Variants in DPP10 observed in about 807,000 individuals in gnomAD.
DPP10 encodes inactive dipeptidyl peptidase 10.
DPP10 carries 33 observed loss-of-function variants against 120.9 expected under a neutral mutation model. That is an observed-to-expected ratio of 0.27 (90% CI 0.21 to 0.37). DPP10 has a LOEUF of 0.37. Ranked by LOEUF, DPP10 falls within the 10% of genes least tolerant of loss-of-function variation. The probability of loss-of-function intolerance (pLI) is 1.00; values close to 1 mark genes in which losing one functional copy is unlikely to be tolerated. For missense variants in DPP10, 816 were observed against 942.8 expected (o/e 0.87, Z 1.76); for synonymous variants, 337 against 326.1 (o/e 1.03, Z -0.36).
chr2:115,733,809 A>G (rs762463855), intron 8 of DPP10, among the ~76,000 whole-genome samples: 6 of 152,228 alleles, frequency 3.9e-5, no homozygotes, highest in Admixed American at 2.0e-4. Context: ...ACATGTGCTG[A>G]AAACTCCATC....
At chr2:115,335,378 A>G (rs1319874803) in intron 2 of DPP10, among the ~76,000 whole-genome samples, 1 of 151,940 alleles carries the variant, frequency 6.6e-6, no homozygotes, top group Non-Finnish European at 1.5e-5. Flanking sequence ...TTTCTTAAGG[A>G]GGAAAGAAGA....
chr2:115,677,534 C>T (rs2090356675), intron 5 of DPP10, among the ~76,000 whole-genome samples: 1 of 152,060 alleles, frequency 6.6e-6, no homozygotes, highest in Non-Finnish European at 1.5e-5. Context: ...AAGAGACTCA[C>T]TTCATTTGTA....
chr2:115,148,617 T>C (rs1426656091), intron 1 of DPP10, among the ~76,000 whole-genome samples: 5 of 152,002 alleles, frequency 3.3e-5, no homozygotes, highest in Admixed American at 3.3e-4. Context: ...GTAGTCTCTG[T>C]CTTTTATTTT....
chr2:115,181,294 T>A (rs1472625566), intron 1 of DPP10, among the ~76,000 whole-genome samples: 1 of 152,214 alleles, frequency 6.6e-6, no homozygotes, highest in Non-Finnish European at 1.5e-5. Context: ...ATCTGTTACT[T>A]CATATCATAT....
intron 1 of DPP10, among the ~76,000 whole-genome samples, chr2:115,284,990 A>G (rs2060306948): frequency 6.6e-6 from 1 of 152,036 alleles, no homozygotes; most frequent in East Asian, 1.9e-4. Flanking sequence ...AATTGTCATA[A>G]TAGCTAACTA....
At chr2:115,513,434 TC>T (rs2077337529) in intron 4 of DPP10, among the ~76,000 whole-genome samples, 1 of 151,928 alleles carries the variant, frequency 6.6e-6, no homozygotes, top group Non-Finnish European at 1.5e-5. Flanking sequence ...TTTCTACATA[TC>T]ATATGTCATT....
intron 17 of DPP10, among the ~76,000 whole-genome samples, chr2:115,790,407 T>C (rs1285971851): frequency 6.6e-6 from 1 of 152,148 alleles, no homozygotes; most frequent in African/African-American, 2.4e-5. Flanking sequence ...ATGTAAAGTC[T>C]CTCCAAATAG....
In DPP10 at chr2:115,041,031, A is replaced by G. The variant is rs188999559; in HGVS notation, c.61-268208A>G. Among the ~76,000 whole-genome samples the G allele has an allele frequency of 5.1e-3, 774 of 151,598 alleles. 7 individuals carry two copies. The highest frequency in any genetic ancestry group is 0.018 in the African/African-American group (728 of 41,306). On this transcript the variant is annotated intron_variant, in intron 1 of 25. Coordinates refer to ENST00000410059, the MANE Select transcript of DPP10 (RefSeq NM_020868.6). ...CTACTCAGGAGGCTGAGGCAGGAGA[A>G]TCACTTGAACCCGGGAAGCAGAGGT...
chr2:114,551,906 A>G (rs568741490), intron 1 of DPP10, among the ~76,000 whole-genome samples: 29 of 152,228 alleles, frequency 1.9e-4, no homozygotes, highest in Non-Finnish European at 4.0e-4. Flanking sequence ...TAAATTTTCC[A>G]GTTATCTAGA....
intron 1 of DPP10, among the ~76,000 whole-genome samples, chr2:114,889,178 G>A (rs1260027079): frequency 1.3e-5 from 2 of 152,162 alleles, no homozygotes; most frequent in Non-Finnish European, 2.9e-5. Flanking sequence ...CTAGCCTCCA[G>A]AACTGTGAGC....
chr2:114,859,664 T>C (rs1372525927), intron 1 of DPP10, among the ~76,000 whole-genome samples: 2 of 152,198 alleles, frequency 1.3e-5, no homozygotes, highest in Non-Finnish European at 2.9e-5. Context: ...CATCTACAAA[T>C]GTCTCACAGT....
intron 5 of DPP10, among the ~76,000 whole-genome samples, chr2:115,586,436 G>A (rs140451522): frequency 1.2e-3 from 182 of 152,228 alleles, no homozygotes; most frequent in Non-Finnish European, 2.3e-3. Flanking sequence ...TCTCATATTT[G>A]GCTACATACT....
At chr2:115,244,233 TATATATAGAGAGAGAG>T (rs201190661) in intron 1 of DPP10, among the ~76,000 whole-genome samples, 2,592 of 44,312 alleles carry the variant, frequency 0.058, 36 homozygotes, top group East Asian at 0.12. Flanking sequence ...TATATATATA[TATATATAGAGAGAGAG>T]AGAGAGAGAG....
intron 3 of DPP10, among the ~76,000 whole-genome samples, chr2:115,378,537 C>A (rs1365576717): frequency 6.6e-6 from 1 of 151,196 alleles, no homozygotes; most frequent in Non-Finnish European, 1.5e-5. Context: ...AATTGAATAC[C>A]CTTTATTTCC....
intron 1 of DPP10, among the ~76,000 whole-genome samples, chr2:114,846,579 T>G (rs997200196): frequency 3.3e-5 from 3 of 91,962 alleles, no homozygotes; most frequent in African/African-American, 2.7e-4. Context: ...TCAGATTCTG[T>G]TTTTTTTTTT....
At chr2:114,925,728 A>G (rs561126371) in intron 1 of DPP10, among the ~76,000 whole-genome samples, 1 of 152,178 alleles carries the variant, frequency 6.6e-6, no homozygotes, top group Non-Finnish European at 1.5e-5. Context: ...AGAGCCCTGT[A>G]GCTGTGTGTG....
intron 1 of DPP10, among the ~76,000 whole-genome samples, chr2:114,509,074 C>T (rs1683922952): frequency 6.6e-6 from 1 of 151,804 alleles, no homozygotes; most frequent in African/African-American, 2.4e-5. Context: ...GCAATGAAAT[C>T]CAGAAATAAG....
At chr2:115,455,324 A>T (rs937488859) in intron 3 of DPP10, among the ~76,000 whole-genome samples, 5 of 151,946 alleles carry the variant, frequency 3.3e-5, no homozygotes, top group African/African-American at 1.2e-4. Context: ...TTAGAAATTT[A>T]TGTGAAAATG....
chr2:114,900,733 A>G lies in DPP10; in HGVS notation c.61-408506A>G, dbSNP rs1693490886. On this transcript the variant is annotated intron_variant, in intron 1 of 25. Coordinates refer to ENST00000410059, the MANE Select transcript of DPP10 (RefSeq NM_020868.6). Reference sequence around the variant, plus strand: ...TTTTCCAACTTCTTCTAGTATGGTTATTACCTTTTGAGATGTGTTTAAGAC... The same window carrying G: ...TTTTCCAACTTCTTCTAGTATGGTTGTTACCTTTTGAGATGTGTTTAAGAC... Among the ~76,000 whole-genome samples the G allele has an allele frequency of 5.3e-5, 8 of 152,274 alleles. No homozygotes were observed. The South Asian group carries it at 1.7e-3, about 32-fold the overall frequency.
Sources: gnomAD v4.1 joint callset for allele counts (sites outside exome capture counted in the v4.1 genomes callset) on GRCh38, gnomAD v4.1.1 for gene constraint, MANE v1.5 for transcripts, NCBI Gene and HGNC (gene_info 2026-07-23, HGNC 2026-07-21) for gene names.